The following STXBP6 variants were observed in gnomAD, a reference collection of about 807,000 sequenced individuals.
STXBP6 encodes the protein syntaxin-binding protein 6.
In STXBP6, 21 loss-of-function variants were observed where a neutral mutation model predicts 26.9. The ratio of observed to expected loss-of-function variants is 0.78; its 90% CI spans 0.55 to 1.12. STXBP6 has a LOEUF of 1.12. Among genes scored for constraint, STXBP6 ranks in the 50% most tolerant of loss-of-function variants. The probability of loss-of-function intolerance (pLI) is 0.00; values close to 1 mark genes in which losing one functional copy is unlikely to be tolerated. For missense variants in STXBP6, 232 were observed against 257.9 expected, an observed-to-expected ratio of 0.90 and a Z score of 0.69; for synonymous variants, 97 against 92.6, an observed-to-expected ratio of 1.05 and a Z score of -0.27.
intron 2 of STXBP6, among the ~76,000 whole-genome samples, chr14:24,928,564 C>G (rs1208836690): frequency 6.6e-6 from 1 of 152,090 alleles, no homozygotes; most frequent in Non-Finnish European, 1.5e-5. Context: ...GATAACCTAC[C>G]CAGCTTTTGA....
intron 2 of STXBP6, among the ~76,000 whole-genome samples, chr14:24,968,015 T>C (rs2073787811): frequency 6.6e-6 from 1 of 152,090 alleles, no homozygotes; most frequent in Admixed American, 6.5e-5. Flanking sequence ...TTCCTTGATC[T>C]GTGAAATGAG....
intron 2 of STXBP6, among the ~76,000 whole-genome samples, chr14:24,915,685 C>A (rs2139764405): frequency 6.6e-6 from 1 of 152,176 alleles, no homozygotes; most frequent in African/African-American, 2.4e-5. Context: ...ATACCCACAA[C>A]CCTGTTCAGC....
At chr14:24,936,149 T>G (rs1595144688) in intron 2 of STXBP6, among the ~76,000 whole-genome samples, 2 of 152,314 alleles carry the variant, frequency 1.3e-5, no homozygotes, top group East Asian at 3.9e-4. Flanking sequence ...AGAGTTAAAC[T>G]TTACAGCCAT....
chr14:24,888,597 C>T (rs2070672708), intron 2 of STXBP6, among the ~76,000 whole-genome samples: 1 of 151,878 alleles, frequency 6.6e-6, no homozygotes, highest in African/African-American at 2.4e-5. Context: ...GCAGCATGTG[C>T]GTGTAATCCC....
chr14:24,977,407 G>T (rs1174697389), intron 1 of STXBP6, among the ~76,000 whole-genome samples: 1 of 151,824 alleles, frequency 6.6e-6, no homozygotes, highest in Non-Finnish European at 1.5e-5. Flanking sequence ...AATACTGATA[G>T]TCAGTGACCA....
chr14:24,952,619 A>G (rs933869595), intron 2 of STXBP6, among the ~76,000 whole-genome samples: 1 of 152,166 alleles, frequency 6.6e-6, no homozygotes, highest in Non-Finnish European at 1.5e-5. Context: ...CACAGTTAAA[A>G]CTCTCTTTGT....
intron 2 of STXBP6, among the ~76,000 whole-genome samples, chr14:24,864,048 G>A (rs575180076): frequency 6.1e-4 from 93 of 152,216 alleles, no homozygotes; most frequent in African/African-American, 2.2e-3. Context: ...ATTAGACAAG[G>A]AAGATAATGG....
chr14:24,823,451 T>A (rs1296181796), intron 4 of STXBP6, among the ~76,000 whole-genome samples: 1 of 152,170 alleles, frequency 6.6e-6, no homozygotes, highest in Non-Finnish European at 1.5e-5. Context: ...AGGGTGTATC[T>A]TGGTAATTAA....
At chr14:24,894,002 G>A (rs188487481) in intron 2 of STXBP6, among the ~76,000 whole-genome samples, 1 of 152,002 alleles carries the variant, frequency 6.6e-6, no homozygotes, top group East Asian at 1.9e-4. Flanking sequence ...TCAAATCAGG[G>A]AAAAGAAAAA....
At chr14:24,992,318 C>G (rs962054190) in intron 1 of STXBP6, among the ~76,000 whole-genome samples, 2 of 152,156 alleles carry the variant, frequency 1.3e-5, no homozygotes, top group Non-Finnish European at 2.9e-5. Flanking sequence ...CTGCTGCCTC[C>G]TTACCACAAA....
intron 1 of STXBP6, among the ~76,000 whole-genome samples, chr14:24,992,955 G>A (rs191137236): frequency 3.9e-5 from 6 of 152,206 alleles, no homozygotes; most frequent in Admixed American, 6.5e-5. Flanking sequence ...CACACACTCC[G>A]GTTTTCTTCC....
At chr14:24,826,654 G>A (rs2068293341) in intron 4 of STXBP6, among the ~76,000 whole-genome samples, 1 of 152,110 alleles carries the variant, frequency 6.6e-6, no homozygotes, top group Non-Finnish European at 1.5e-5. Context: ...AGTTGGCCAT[G>A]GGACCACAAA....
At chr14:25,006,881 A>G (rs2074913174) in intron 1 of STXBP6, among the ~76,000 whole-genome samples, 1 of 150,612 alleles carries the variant, frequency 6.6e-6, no homozygotes, top group South Asian at 2.1e-4. Context: ...TTTTACTTCA[A>G]AGGCATTTAA....
intron 1 of STXBP6, among the ~76,000 whole-genome samples, chr14:25,000,011 C>A (rs1231661052): frequency 6.6e-6 from 1 of 152,114 alleles, no homozygotes; most frequent in Non-Finnish European, 1.5e-5. Context: ...CTGGGGACAT[C>A]ACCATATTGG....
chr14:24,816,866 T>A (rs1298388922), intron 5 of STXBP6: 1 of 151,958 alleles, frequency 6.6e-6, no homozygotes, highest in Non-Finnish European at 1.5e-5. Flanking sequence ...CAGTATCAAT[T>A]CTCCAATCCC....
intron 1 of STXBP6, among the ~76,000 whole-genome samples, chr14:24,983,339 T>G (rs1417969328): frequency 6.6e-6 from 1 of 152,218 alleles, no homozygotes; most frequent in Non-Finnish European, 1.5e-5. Flanking sequence ...ATATGTTGAC[T>G]TGAGAACATC....
At chr14:25,000,598 C>G (rs898826959) in intron 1 of STXBP6, among the ~76,000 whole-genome samples, 1 of 151,022 alleles carries the variant, frequency 6.6e-6, no homozygotes, top group Non-Finnish European at 1.5e-5. Flanking sequence ...AACCTTCTTC[C>G]CTACAGCCAC....
At chr14:24,959,863 T>C (rs2073471323) in intron 2 of STXBP6, among the ~76,000 whole-genome samples, 1 of 152,212 alleles carries the variant, frequency 6.6e-6, no homozygotes, top group South Asian at 2.1e-4. Flanking sequence ...TTCCCTTTTT[T>C]AAACAGTACA....
intron 2 of STXBP6, among the ~76,000 whole-genome samples, chr14:24,882,100 C>A (rs1464561403): frequency 1.3e-5 from 2 of 151,874 alleles, no homozygotes; most frequent in East Asian, 3.9e-4. Context: ...GGGCTTTCGG[C>A]CGGGCGCGGT....
Sources: gnomAD v4.1 joint callset for allele counts (sites outside exome capture counted in the v4.1 genomes callset) on GRCh38, gnomAD v4.1.1 for gene constraint, MANE v1.5 for transcripts, NCBI Gene and HGNC (gene_info 2026-07-23, HGNC 2026-07-21) for gene names.